The following EXTL3 variants were observed in gnomAD, a reference collection of about 807,000 sequenced individuals.
The protein encoded by EXTL3 is exostosin like glycosyltransferase 3.
A neutral mutation model predicts 69.3 loss-of-function variants in EXTL3; 27 were observed. The observed-to-expected ratio is 0.39, with a 90% CI of 0.29 to 0.54. The LOEUF (loss-of-function observed/expected upper bound fraction) is 0.54. Among genes scored for constraint, EXTL3 ranks in the 20% least tolerant of loss-of-function variants. The probability of loss-of-function intolerance (pLI) is 0.69; values close to 1 mark genes in which losing one functional copy is unlikely to be tolerated. For synonymous variants in EXTL3, 511 were observed against 499.4 expected (o/e 1.02, Z -0.31); for missense variants, 1,003 against 1,231.8 (o/e 0.81, Z 2.78).
intron 1 of EXTL3, among the ~76,000 whole-genome samples, chr8:28,674,666 G>T (rs1162710213): frequency 6.6e-6 from 1 of 152,220 alleles, no homozygotes; most frequent in Non-Finnish European, 1.5e-5. Context: ...TAAAGTGAGA[G>T]CATTAATTGG....
chr8:28,707,429 A>C (rs1382975625), intron 1 of EXTL3, among the ~76,000 whole-genome samples: 1 of 152,220 alleles, frequency 6.6e-6, no homozygotes, highest in African/African-American at 2.4e-5. Context: ...TGCCTAGCAC[A>C]CTGTAAATAT....
At chr8:28,679,197 C>T (rs1415894222) in intron 1 of EXTL3, among the ~76,000 whole-genome samples, 2 of 152,200 alleles carry the variant, frequency 1.3e-5, no homozygotes, top group East Asian at 3.8e-4. Flanking sequence ...CCTGTTATCC[C>T]AGCACTTTGG....
At chr8:28,631,419 G>C (rs1156553990) in intron 1 of EXTL3, 5 of 152,190 alleles carry the variant, frequency 3.3e-5, no homozygotes, top group Non-Finnish European at 5.9e-5. Flanking sequence ...ACCTGGAGAA[G>C]TGAGAAGACT....
intron 1 of EXTL3, among the ~76,000 whole-genome samples, chr8:28,627,126 G>A (rs1047609669): frequency 3.3e-5 from 5 of 151,524 alleles, no homozygotes; most frequent in African/African-American, 1.2e-4. Flanking sequence ...ATCTTGCAGT[G>A]AGCCAGAGCC....
chr8:28,628,904 C>T (rs1806533247), intron 1 of EXTL3, among the ~76,000 whole-genome samples: 1 of 152,192 alleles, frequency 6.6e-6, no homozygotes, highest in East Asian at 1.9e-4. Flanking sequence ...ATAAGGAAGA[C>T]TAGGAAATGC....
At chr8:28,682,079 G>A (rs1243165801) in intron 1 of EXTL3, among the ~76,000 whole-genome samples, 3 of 151,982 alleles carry the variant, frequency 2.0e-5, no homozygotes, top group African/African-American at 4.8e-5. Flanking sequence ...CAATATATAA[G>A]GTTTGCTTTT....
rs1801428642 is a variant in EXTL3, at chr8:28,726,987, T to G, written c.2149-4236T>G. Among the ~76,000 whole-genome samples, 4 of 149,902 alleles carry G rather than the reference T, an allele frequency of 2.7e-5. No homozygotes were observed. The South Asian group carries it at 8.6e-4, about 32-fold the overall frequency. On this transcript the variant is annotated intron_variant, in intron 3 of 6. Transcript: ENST00000220562. ...TCCACTTCCTGGGTTCAAGCGATTC[T>G]CCTGCCTCAGCCTCCTGAGTAACTG... is the stretch of plus-strand genomic sequence containing the variant.
intron 3 of EXTL3, among the ~76,000 whole-genome samples, chr8:28,726,241 A>G (rs1014288392): frequency 7.2e-5 from 11 of 152,228 alleles, no homozygotes; most frequent in African/African-American, 2.7e-4. Context: ...GGCGTGAGCC[A>G]CTGCGCCCGG....
At chr8:28,634,471 C>CA (rs1806620844) in intron 1 of EXTL3, among the ~76,000 whole-genome samples, 1 of 152,138 alleles carries the variant, frequency 6.6e-6, no homozygotes, top group Admixed American at 6.6e-5. Context: ...CCCACCCCTC[C>CA]ACACCTTCCC....
At chr8:28,624,480 T>G (rs2130548115) in intron 1 of EXTL3, among the ~76,000 whole-genome samples, 1 of 152,240 alleles carries the variant, frequency 6.6e-6, no homozygotes, top group East Asian at 1.9e-4. Context: ...GGAGGATCAC[T>G]TGATCCTGGG....
intron 1 of EXTL3, among the ~76,000 whole-genome samples, chr8:28,707,508 C>T (rs556888302): frequency 2.3e-4 from 35 of 152,346 alleles, no homozygotes; most frequent in African/African-American, 7.9e-4. Context: ...CATTGAAGTG[C>T]GGACTTTCTG....
intron 1 of EXTL3, among the ~76,000 whole-genome samples, chr8:28,671,549 A>G (rs1396138889): frequency 6.6e-6 from 1 of 151,688 alleles, no homozygotes; most frequent in Non-Finnish European, 1.5e-5. Context: ...CATGTTGGCC[A>G]GGCTGGTCTT....
chr8:28,663,531 A>G (rs1807148938), intron 1 of EXTL3, among the ~76,000 whole-genome samples: 1 of 152,036 alleles, frequency 6.6e-6, no homozygotes, highest in Non-Finnish European at 1.5e-5. Context: ...GGCTCACCGC[A>G]ACCTCCACCT....
intron 1 of EXTL3, among the ~76,000 whole-genome samples, chr8:28,638,396 A>T (rs1361462263): frequency 1.3e-5 from 2 of 152,186 alleles, no homozygotes; most frequent in African/African-American, 4.8e-5. Flanking sequence ...CCTGAGGTAG[A>T]TCTGTGATAT....
chr8:28,659,636 C>T (rs1408899699), intron 1 of EXTL3, among the ~76,000 whole-genome samples: 5 of 152,112 alleles, frequency 3.3e-5, no homozygotes, highest in South Asian at 2.1e-4. Context: ...CAGATGCAAC[C>T]CCAGGGTCGC....
intron 6 of EXTL3, among the ~76,000 whole-genome samples, chr8:28,746,127 CT>C (rs1801883389): frequency 6.6e-6 from 1 of 151,948 alleles, no homozygotes; most frequent in Admixed American, 6.5e-5. Context: ...TTTTGTTGTG[CT>C]TTAAATACCT....
intron 1 of EXTL3, among the ~76,000 whole-genome samples, chr8:28,653,872 C>T (rs929565208): frequency 3.9e-5 from 6 of 152,064 alleles, no homozygotes; most frequent in Non-Finnish European, 8.8e-5. Flanking sequence ...TATTTTGAGT[C>T]TCTTAATTCT....
chr8:28,697,089 ACTT>A (rs1800696992), upstream of EXTL3: 1 of 152,032 alleles, frequency 6.6e-6, no homozygotes, highest in African/African-American at 2.4e-5. Context: ...TTATCTGGTG[ACTT>A]CTTTTTATGT....
chr8:28,650,265 A>G (rs1328204624), intron 1 of EXTL3, among the ~76,000 whole-genome samples: 1 of 151,108 alleles, frequency 6.6e-6, no homozygotes, highest in Non-Finnish European at 1.5e-5. Flanking sequence ...CAATTTCACA[A>G]TTTATTCTGT....
Sources: allele counts gnomAD v4.1 joint callset (sites outside exome capture counted in the v4.1 genomes callset), GRCh38; gene constraint gnomAD v4.1.1; transcripts MANE v1.5; gene names NCBI Gene and HGNC (gene_info 2026-07-23, HGNC 2026-07-21).